BLTP3B: variants seen among roughly 807,000 people sequenced by gnomAD.
The protein encoded by BLTP3B is bridge-like lipid transfer protein family member 3B, also known as UHRF1 (ICBP90) binding protein 1-like.
At chr12:100,139,244 T>C in the BLTP3B span, among the ~76,000 whole-genome samples, 7 of 152,348 alleles carry the variant, frequency 4.6e-5, no homozygotes, top group African/African-American at 1.7e-4. Context: ...AGTTCTCAAA[T>C]AGTTTAGCAT....
the BLTP3B span, chr12:100,048,225 T>C: frequency 6.4e-7 from 1 of 1,551,252 alleles, no homozygotes; most frequent in Non-Finnish European, 8.7e-7. Context: ...CAAAAATGTT[T>C]GTAGCATTAT....
the BLTP3B span, chr12:100,050,993 T>A: frequency 6.5e-7 from 1 of 1,544,274 alleles, no homozygotes; most frequent in Non-Finnish European, 8.7e-7. Flanking sequence ...ATTTTATATA[T>A]GAATGTCTCA....
At chr12:100,142,211 G>C in the BLTP3B span, among the ~76,000 whole-genome samples, 2 of 152,220 alleles carry the variant, frequency 1.3e-5, no homozygotes, top group Admixed American at 1.3e-4. Flanking sequence ...CCGAACTCGA[G>C]TTAGAGCCCA....
chr12:100,133,048 C>T, the BLTP3B span, among the ~76,000 whole-genome samples: 2 of 152,116 alleles, frequency 1.3e-5, no homozygotes, highest in African/African-American at 2.4e-5. Context: ...TGGAGACCAT[C>T]CTGGCTAACA....
chr12:100,084,378 TCACACACACACACACACACACACACACA>T, the BLTP3B span: 4 of 663,108 alleles, frequency 6.0e-6, no homozygotes, highest in South Asian at 7.4e-5. Flanking sequence ...AATACTATGA[TCACACACACACACACACACACACACACA>T]CACACACACA....
chr12:100,082,748 A>C, the BLTP3B span, among the ~76,000 whole-genome samples: 1 of 131,576 alleles, frequency 7.6e-6, no homozygotes, highest in Admixed American at 7.0e-5. Context: ...CCATTGGTCT[A>C]TGCATCTGTT....
the BLTP3B span, chr12:100,086,372 A>AAG: frequency 1.5e-3 from 679 of 439,498 alleles, 9 homozygotes; most frequent in African/African-American, 5.4e-3. Flanking sequence ...GGAAAAAAAA[A>AAG]GGGGGGGGGG....
At chr12:100,109,394 C>T in the BLTP3B span, among the ~76,000 whole-genome samples, 6 of 152,060 alleles carry the variant, frequency 3.9e-5, no homozygotes, top group African/African-American at 1.4e-4. Context: ...AACAGCACAA[C>T]AAAGTGACTA....
chr12:100,062,415 A>G, the BLTP3B span, among the ~76,000 whole-genome samples: 88 of 152,370 alleles, frequency 5.8e-4, no homozygotes, highest in Non-Finnish European at 1.1e-3. Flanking sequence ...ATAATGAAGA[A>G]TGAAAATTAA....
chr12:100,080,037 C>A, the BLTP3B span, among the ~76,000 whole-genome samples: 1 of 152,226 alleles, frequency 6.6e-6, no homozygotes, highest in Non-Finnish European at 1.5e-5. Flanking sequence ...ATGGAAATGC[C>A]TGGATGCCCA....
At chr12:100,058,525 T>C in the BLTP3B span, 2 of 1,613,294 alleles carry the variant, frequency 1.2e-6, no homozygotes, top group African/African-American at 1.3e-5. Context: ...CTAATTCTAT[T>C]TATATCCCTA....
chr12:100,041,164 G>A, the BLTP3B span, among the ~76,000 whole-genome samples: 8 of 152,140 alleles, frequency 5.3e-5, no homozygotes, highest in African/African-American at 1.9e-4. Flanking sequence ...CATCCAAAAA[G>A]TAACTAATGT....
At chr12:100,128,004 C>T in the BLTP3B span, among the ~76,000 whole-genome samples, 27 of 152,108 alleles carry the variant, frequency 1.8e-4, no homozygotes, top group Non-Finnish European at 3.1e-4. Context: ...CAGAGCAACA[C>T]CTTTTCCCCC....
chr12:100,058,949 C>A, the BLTP3B span: 1 of 1,614,002 alleles, frequency 6.2e-7, no homozygotes, highest in African/African-American at 1.3e-5. Flanking sequence ...AAGGCTCAGA[C>A]TCTGTACTAT....
the BLTP3B span, among the ~76,000 whole-genome samples, chr12:100,075,408 C>A: frequency 6.6e-6 from 1 of 152,094 alleles, no homozygotes; most frequent in Non-Finnish European, 1.5e-5. Context: ...CTAGGAAATA[C>A]CATTCTGGAC....
At chr12:100,070,103 C>T in the BLTP3B span, 1 of 1,497,714 alleles carries the variant, frequency 6.7e-7, no homozygotes, top group South Asian at 1.3e-5. Context: ...ATTTTACTCC[C>T]TATGAGATGC....
the BLTP3B span, among the ~76,000 whole-genome samples, chr12:100,077,283 A>C: frequency 2.3e-4 from 35 of 152,336 alleles, no homozygotes; most frequent in Non-Finnish European, 4.4e-4. Context: ...ATGATATACA[A>C]GATTAAAGCC....
chr12:100,079,804 T>C, the BLTP3B span, among the ~76,000 whole-genome samples: 1 of 152,192 alleles, frequency 6.6e-6, no homozygotes, highest in African/African-American at 2.4e-5. Context: ...AGTGGTTTCA[T>C]GGGCCAGGCC....
At chr12:100,118,665 G>A in the BLTP3B span, among the ~76,000 whole-genome samples, 2 of 152,100 alleles carry the variant, frequency 1.3e-5, no homozygotes, top group South Asian at 2.1e-4. Flanking sequence ...TAAATGTTGG[G>A]TATGAGAATT....
Sources: gnomAD v4.1 joint callset for allele counts (sites outside exome capture counted in the v4.1 genomes callset) on GRCh38, gnomAD v4.1.1 for gene constraint, MANE v1.5 for transcripts, NCBI Gene and HGNC (gene_info 2026-07-23, HGNC 2026-07-21) for gene names.